CLEC9A: variants seen among roughly 807,000 people sequenced by gnomAD.
CLEC9A encodes the protein C-type lectin domain family 9 member A.
CLEC9A carries 24 observed loss-of-function variants against 30.0 expected under a neutral mutation model. The ratio of observed to expected loss-of-function variants is 0.80; its 90% CI spans 0.58 to 1.13. The LOEUF (loss-of-function observed/expected upper bound fraction) is 1.13, where lower values mean the gene tolerates loss of function less well. Ranked by LOEUF, CLEC9A falls within the 50% of genes most tolerant of loss-of-function variation. CLEC9A has a pLI of 0.00. For synonymous variants in CLEC9A, 111 were observed against 96.8 expected, an observed-to-expected ratio of 1.15 and a Z score of -0.86; for missense variants, 251 against 280.9, an observed-to-expected ratio of 0.89 and a Z score of 0.76.
chr12:10,038,440 C>T (rs1254558478), intron 1 of CLEC9A, among the ~76,000 whole-genome samples: 1 of 152,052 alleles, frequency 6.6e-6, no homozygotes, highest in Non-Finnish European at 1.5e-5. Context: ...TGCCAAAAGG[C>T]GTGTTAGTAA....
intron 1 of CLEC9A, among the ~76,000 whole-genome samples, chr12:10,037,488 C>T (rs776240228): frequency 2.8e-5 from 4 of 141,466 alleles, no homozygotes; most frequent in East Asian, 2.4e-4. Flanking sequence ...AAGAGGCCAC[C>T]GACTATGAAG....
At chr12:10,043,467 C>G (rs555741683) in intron 2 of CLEC9A, 1 of 153,826 alleles carries the variant, frequency 6.5e-6, no homozygotes, top group East Asian at 1.9e-4. Context: ...TCACTTACTC[C>G]CTACTTCAAA....
chr12:10,052,843 A>G, intron 4 of CLEC9A, 65 bp downstream of exon 4: 6 of 1,525,794 alleles, frequency 3.9e-6, no homozygotes, highest in Non-Finnish European at 4.4e-6. Context: ...TTTCTGCTCT[A>G]TCATGAGGCC....
chr12:10,055,321 T>C (rs1291372221), intron 5 of CLEC9A, among the ~76,000 whole-genome samples: 1 of 152,220 alleles, frequency 6.6e-6, no homozygotes, highest in Non-Finnish European at 1.5e-5. Flanking sequence ...ACATATTAAA[T>C]ACCTGTGGAA....
At chr12:10,060,020 C>A (rs1433589784) in intron 5 of CLEC9A, among the ~76,000 whole-genome samples, 1 of 152,222 alleles carries the variant, frequency 6.6e-6, no homozygotes, top group African/African-American at 2.4e-5. Flanking sequence ...CATACATAAT[C>A]AGCATGGCTA....
At chr12:10,060,796 A>G (rs1865990067) in intron 5 of CLEC9A, 1 of 239,522 alleles carries the variant, frequency 4.2e-6, no homozygotes, top group Admixed American at 6.2e-5. Context: ...CGAGTTTTAT[A>G]TTCATTTGCC....
In CLEC9A at chr12:10,056,806, G is replaced by A. The variant is rs187845136; in HGVS notation, c.172+2455G>A. On this transcript the variant is annotated intron_variant, in intron 5 of 8. Transcript: ENST00000355819. ...ATGAAGAAAATGTTACTTTAATGAGGATAAAAGAAACATAGCTAGAAAACC... is the reference window on the plus strand; with the variant it reads ...ATGAAGAAAATGTTACTTTAATGAGAATAAAAGAAACATAGCTAGAAAACC... Among the ~76,000 whole-genome samples, 7 of 152,082 alleles carry A rather than the reference G, an allele frequency of 4.6e-5. No individual in the cohort carries two copies. The East Asian group carries it at 1.4e-3, about 29-fold the overall frequency.
At chr12:10,050,874 G>A (rs1865887160) in intron 2 of CLEC9A, among the ~76,000 whole-genome samples, 1 of 152,110 alleles carries the variant, frequency 6.6e-6, no homozygotes, top group Non-Finnish European at 1.5e-5. Flanking sequence ...TTAATTTTCA[G>A]ATTCGAATCT....
chr12:10,049,452 C>T (rs1242080205), intron 2 of CLEC9A, among the ~76,000 whole-genome samples: 3 of 152,038 alleles, frequency 2.0e-5, no homozygotes, highest in Admixed American at 6.5e-5. Flanking sequence ...GTCATCTTTC[C>T]AATACAAAGC....
At chr12:10,053,476 C>T (rs981247759) in intron 4 of CLEC9A, among the ~76,000 whole-genome samples, 1 of 152,204 alleles carries the variant, frequency 6.6e-6, no homozygotes, top group African/African-American at 2.4e-5. Context: ...TGTTTCTCAG[C>T]CTCCATTATC....
At chr12:10,042,128 T>A (rs542203375) in intron 2 of CLEC9A, among the ~76,000 whole-genome samples, 2 of 152,366 alleles carry the variant, frequency 1.3e-5, no homozygotes, top group Admixed American at 1.3e-4. Flanking sequence ...GTTTAAAGAT[T>A]TATAACTAAA....
Position 10,052,787 on chromosome 12 carries a change from T to C in CLEC9A, c.91+9T>C, listed in dbSNP as rs200639216. The stretch of plus-strand genomic sequence containing the variant: ...TTCCAACAAATGTTCAGGTAACCAG[T>C]TCTAACTATTTTGTGTGAGACTTTA... On this transcript the variant is annotated intron_variant, in intron 4 of 8. Transcript: ENST00000355819. The C allele has an allele frequency of 9.9e-6, 16 of 1,612,750 alleles. No individual in the cohort carries two copies. In the East Asian group the frequency reaches 3.6e-4, roughly 36 times the overall value.
chr12:10,035,978 TAA>T (rs1865741378), intron 1 of CLEC9A, among the ~76,000 whole-genome samples: 1 of 152,260 alleles, frequency 6.6e-6, no homozygotes, highest in Admixed American at 6.5e-5. Context: ...CCCTGCCTGA[TAA>T]ACATTGCCTT....
intron 2 of CLEC9A, among the ~76,000 whole-genome samples, chr12:10,044,564 A>C (rs1206628274): frequency 1.3e-5 from 2 of 152,156 alleles, no homozygotes; most frequent in Admixed American, 1.3e-4. Flanking sequence ...TTCTTCTCCT[A>C]GAATGCTCTG....
At chr12:10,062,644 T>TA (rs1866007736) in intron 6 of CLEC9A, among the ~76,000 whole-genome samples, 1 of 152,208 alleles carries the variant, frequency 6.6e-6, no homozygotes, top group South Asian at 2.1e-4. Context: ...CAGGGCTTAT[T>TA]ATTCAATCCA....
intron 2 of CLEC9A, among the ~76,000 whole-genome samples, chr12:10,044,902 C>T (rs990744139): frequency 5.9e-5 from 9 of 152,146 alleles, no homozygotes; most frequent in Non-Finnish European, 1.0e-4. Flanking sequence ...GCCAAATAAA[C>T]TAATAAATAT....
chr12:10,061,263 A>G lies in CLEC9A; in HGVS notation c.309A>G (p.Ser103=), dbSNP rs779104745. 1.9e-6 allele frequency: 3 copies of G among 1,609,506 alleles called. No homozygotes were observed. In the South Asian group the frequency reaches 3.3e-5, roughly 18 times the overall value. Reference sequence around the variant, plus strand: ...ATTGCCAAGCCTTCATGCAAAACTCATTAAGTTCAGGTAATGGATAAAAAT... The same window carrying G: ...ATTGCCAAGCCTTCATGCAAAACTCGTTAAGTTCAGGTAATGGATAAAAAT... ...MKYCQAFMQN[S]LSSAHNSSPC... The change falls in exon 6 of 9, where the codon TCA becomes TCG. Residue 103 remains serine (S), a synonymous_variant. Coordinates refer to ENST00000355819, the MANE Select transcript of CLEC9A (RefSeq NM_207345.4).
intron 2 of CLEC9A, among the ~76,000 whole-genome samples, chr12:10,050,466 G>A (rs113761130): frequency 0.014 from 2,186 of 152,294 alleles, 29 homozygotes; most frequent in Middle Eastern, 0.021. Context: ...TAATGATAGT[G>A]CCTATTTCAT....
chr12:10,052,612 C>A lies in CLEC9A; in HGVS notation c.-58-18C>A, dbSNP rs1195172505. 7.0e-6 allele frequency: 11 copies of A among 1,574,784 alleles called. No homozygotes were observed. The Admixed American group carries it at 1.9e-4, about 27-fold the overall frequency. The stretch of plus-strand genomic sequence containing the variant: ...TAACCAATTTCAGTTCTTACACCAA[C>A]CTGCTCCAAACCACAAGAGGAGTTA... On this transcript the variant is annotated intron_variant, in intron 3 of 8. Transcript: ENST00000355819.
Sources: gnomAD v4.1 joint callset for allele counts (sites outside exome capture counted in the v4.1 genomes callset) on GRCh38, gnomAD v4.1.1 for gene constraint, MANE v1.5 for transcripts, NCBI Gene and HGNC (gene_info 2026-07-23, HGNC 2026-07-21) for gene names.